Variants in CYFIP1 observed in about 807,000 individuals in gnomAD.
CYFIP1 encodes the protein cytoplasmic FMR1 interacting protein 1, also known as cytoplasmic FMR1-interacting protein 1.
A neutral mutation model predicts 163.5 loss-of-function variants in CYFIP1; 58 were observed. That is an observed-to-expected ratio of 0.35 (90% CI 0.29 to 0.44). The LOEUF (loss-of-function observed/expected upper bound fraction) is 0.44. Among genes scored for constraint, CYFIP1 ranks in the 20% least tolerant of loss-of-function variants. The pLI is 1.00. For synonymous variants in CYFIP1, 663 were observed against 660.7 expected, an observed-to-expected ratio of 1.00 and a Z score of -0.05; for missense variants, 1,338 against 1,653.8, an observed-to-expected ratio of 0.81 and a Z score of 3.31.
At chr15:22,974,211 G>C (rs542409930) in intron 1 of CYFIP1, among the ~76,000 whole-genome samples, 60 of 152,228 alleles carry the variant, frequency 3.9e-4, no homozygotes, top group Non-Finnish European at 6.8e-4. Flanking sequence ...GTATGTCCAA[G>C]AGATCGCTGT....
chr15:22,878,837 AG>A (rs1399386219), intron 26 of CYFIP1, among the ~76,000 whole-genome samples: 2 of 152,180 alleles, frequency 1.3e-5, no homozygotes, highest in African/African-American at 2.4e-5. Flanking sequence ...AATGAGCTGT[AG>A]AAAAATAGGC....
chr15:22,916,421 G>A (rs777287859), intron 16 of CYFIP1, 56 bp downstream of exon 16: 56 of 1,307,028 alleles, frequency 4.3e-5, no homozygotes, highest in South Asian at 2.9e-4. Context: ...CATTCTAGAC[G>A]GTGTTAGTGG....
At chr15:22,940,557 G>A (rs2120968) in intron 6 of CYFIP1, among the ~76,000 whole-genome samples, 37,451 of 152,158 alleles carry the variant, frequency 0.25, 5,064 homozygotes, top group East Asian at 0.47. Context: ...AAGCGGAGCC[G>A]CAGGACCACA....
At chr15:22,946,940 T>C (rs1245503928) in intron 3 of CYFIP1, 63 bp downstream of exon 3, 9 of 1,390,624 alleles carry the variant, frequency 6.5e-6, no homozygotes, top group Non-Finnish European at 7.2e-6. Flanking sequence ...CCAAAAAGTA[T>C]ACATCTGTCC....
intron 28 of CYFIP1, among the ~76,000 whole-genome samples, 194 bp downstream of exon 28, chr15:22,874,356 T>A (rs1322000118): frequency 6.6e-6 from 1 of 152,184 alleles, no homozygotes; most frequent in Non-Finnish European, 1.5e-5. Context: ...TCTTTCCAGG[T>A]GTTAGCTCAT....
Position 22,933,884 on chromosome 15 carries a change from C to T in CYFIP1, c.910G>A (p.Val304Met). 6.2e-7 allele frequency: 1 copy of T among 1,610,120 alleles called. No individual in the cohort carries two copies. Among genetic ancestry groups the T allele is most frequent in the Non-Finnish European group, 8.5e-7 (1 of 1,177,926 alleles). Residue 304 changes from valine to methionine, a missense_variant, in exon 10 of 31, where the codon GTG becomes ATG. Coordinates refer to ENST00000617928, the MANE Select transcript of CYFIP1 (RefSeq NM_014608.6). Reference protein sequence around the residue: ...KIDKYFKQLQVVPLFGDMQIE... With the variant: ...KIDKYFKQLQMVPLFGDMQIE... ...TGCATGTCCCCAAATAGCGGAACCA[C>T]CTGGAGTTGCTGTATTCAAAGAACA...
intron 1 of CYFIP1, among the ~76,000 whole-genome samples, chr15:22,972,919 TGA>T (rs948456549): frequency 3.9e-5 from 6 of 152,064 alleles, no homozygotes; most frequent in Non-Finnish European, 8.8e-5. Context: ...GAGGATCACT[TGA>T]GGTAAGGAGT....
intron 24 of CYFIP1, 113 bp downstream of exon 24, chr15:22,882,755 A>ATT: frequency 7.8e-7 from 1 of 1,286,022 alleles, no homozygotes; most frequent in Non-Finnish European, 1.1e-6. Context: ...TTGAAGCCTA[A>ATT]TTGAACGAAT....
At chr15:22,928,089 C>G in intron 11 of CYFIP1, 61 bp from the exon 12 acceptor site, 2 of 1,428,642 alleles carry the variant, frequency 1.4e-6, no homozygotes, top group Middle Eastern at 2.5e-4. Context: ...CCCCCCATCC[C>G]GGGATCCACC....
Position 22,912,351 on chromosome 15 carries a change from G to GA in CYFIP1, c.1986-77dup. 3.6e-6 allele frequency: 4 copies of GA among 1,103,188 alleles called. No individual in the cohort carries two copies. The South Asian group carries it at 5.9e-5, about 16-fold the overall frequency. 68.3% of individuals were successfully genotyped at this position (1,103,188 alleles called of 1,614,324 possible). A position where few individuals can be genotyped will look rare whatever the true frequency, so the allele number is the denominator to read the frequency against. ...GCTCCGACAGCCTCGCCCCACCTCAGAAACTCAACTCCATTTTCCACCTCT... is the reference window on the plus strand; with the variant it reads ...GCTCCGACAGCCTCGCCCCACCTCAGAAAACTCAACTCCATTTTCCACCTCT... On this transcript the variant is annotated intron_variant, in intron 17 of 30. Coordinates refer to ENST00000617928, the MANE Select transcript of CYFIP1 (RefSeq NM_014608.6).
intron 30 of CYFIP1, among the ~76,000 whole-genome samples, chr15:22,870,510 T>C (rs952428314): frequency 1.3e-5 from 2 of 152,052 alleles, no homozygotes; most frequent in African/African-American, 4.8e-5. Flanking sequence ...CAAGGTCTTA[T>C]TATGCTGTCC....
intron 13 of CYFIP1, among the ~76,000 whole-genome samples, chr15:22,925,426 G>A (rs1324387320): frequency 6.6e-6 from 1 of 152,144 alleles, no homozygotes; most frequent in Admixed American, 6.6e-5. Flanking sequence ...AGGTGGCAGC[G>A]TGAGGGTTGG....
chr15:22,870,295 C>G, intron 30 of CYFIP1, 103 bp from the exon 31 acceptor site: 1 of 1,378,440 alleles, frequency 7.3e-7, no homozygotes, highest in Non-Finnish European at 1.0e-6. Context: ...AAAATAATAG[C>G]AAACGGAATT....
At chr15:22,921,284 C>T (rs975406704) in intron 13 of CYFIP1, among the ~76,000 whole-genome samples, 1 of 151,936 alleles carries the variant, frequency 6.6e-6, no homozygotes, top group Non-Finnish European at 1.5e-5. Flanking sequence ...AGGAGAACTG[C>T]TTGAAACTGG....
At chr15:22,878,273 A>G (rs2059641955) in intron 26 of CYFIP1, among the ~76,000 whole-genome samples, 1 of 152,104 alleles carries the variant, frequency 6.6e-6, no homozygotes, top group South Asian at 2.1e-4. Flanking sequence ...GAACGCGGCA[A>G]GTGGGGACTC....
At chr15:22,968,107 G>C (rs1227840619) in intron 1 of CYFIP1, among the ~76,000 whole-genome samples, 1 of 152,068 alleles carries the variant, frequency 6.6e-6, no homozygotes, top group Admixed American at 6.6e-5. Context: ...CTGCACTCCA[G>C]CTTGGGCGAC....
At chr15:22,924,073 G>A (rs1168175386) in intron 13 of CYFIP1, among the ~76,000 whole-genome samples, 1 of 151,764 alleles carries the variant, frequency 6.6e-6, no homozygotes, top group South Asian at 2.1e-4. Flanking sequence ...TCCATGTAAT[G>A]CAATATTATT....
intron 16 of CYFIP1, 67 bp from the exon 17 acceptor site, chr15:22,914,949 A>G (rs1344072691): frequency 4.6e-6 from 7 of 1,513,838 alleles, no homozygotes; most frequent in Non-Finnish European, 5.3e-6. Context: ...CAGAGATGAC[A>G]CAAGGGCTGT....
chr15:22,950,245 A>G (rs1458535857), intron 1 of CYFIP1, among the ~76,000 whole-genome samples: 1 of 152,212 alleles, frequency 6.6e-6, no homozygotes, highest in Non-Finnish European at 1.5e-5. Flanking sequence ...TATGCCATCT[A>G]CAAGAAACTT....
Sources: allele counts gnomAD v4.1 joint callset (sites outside exome capture counted in the v4.1 genomes callset), GRCh38; gene constraint gnomAD v4.1.1; transcripts MANE v1.5; gene names NCBI Gene and HGNC (gene_info 2026-07-23, HGNC 2026-07-21).